The following PDE4D variants were observed in gnomAD, a reference collection of about 807,000 sequenced individuals.
The protein encoded by PDE4D is 3',5'-cyclic-AMP phosphodiesterase 4D.
Under a neutral mutation model 87.4 loss-of-function variants are expected in PDE4D, and 24 were observed. That is an observed-to-expected ratio of 0.27 (90% CI 0.20 to 0.39). The LOEUF (loss-of-function observed/expected upper bound fraction) is 0.39. PDE4D is among the 10% of genes least tolerant of loss of function. PDE4D has a pLI of 1.00. For synonymous variants in PDE4D, 384 were observed against 383.2 expected (o/e 1.00, Z -0.02); for missense variants, 714 against 1,041.0 (o/e 0.69, Z 4.32).
At chr5:60,174,857 T>C (rs1446532901) in intron 2 of PDE4D, among the ~76,000 whole-genome samples, 1 of 152,100 alleles carries the variant, frequency 6.6e-6, no homozygotes, top group Non-Finnish European at 1.5e-5. Flanking sequence ...ATGTTGTTGA[T>C]TTTTAGCAAT....
At chr5:60,151,090 T>C (rs1036213289) in intron 2 of PDE4D, among the ~76,000 whole-genome samples, 19 of 152,352 alleles carry the variant, frequency 1.2e-4, no homozygotes, top group Non-Finnish European at 1.9e-4. Context: ...GATTATTTGA[T>C]AAGTGTGCTG....
chr5:59,050,801 G>A (rs1413265679), intron 5 of PDE4D, among the ~76,000 whole-genome samples: 2 of 152,170 alleles, frequency 1.3e-5, no homozygotes, highest in African/African-American at 4.8e-5. Flanking sequence ...TATACATTGA[G>A]AATTACAGGG....
At chr5:59,746,317 A>G (rs1056724915) in intron 1 of PDE4D, among the ~76,000 whole-genome samples, 4 of 152,142 alleles carry the variant, frequency 2.6e-5, no homozygotes, top group Non-Finnish European at 5.9e-5. Context: ...TGAGAATAAT[A>G]TGACTTTACC....
At chr5:60,075,011 T>C (rs1381428248) in intron 2 of PDE4D, among the ~76,000 whole-genome samples, 1 of 152,118 alleles carries the variant, frequency 6.6e-6, no homozygotes, top group African/African-American at 2.4e-5. Context: ...ACCTTGAAGG[T>C]TGGTATTAAT....
chr5:60,105,554 T>A (rs140645956), intron 2 of PDE4D, among the ~76,000 whole-genome samples: 2 of 152,070 alleles, frequency 1.3e-5, no homozygotes, highest in East Asian at 1.9e-4. Flanking sequence ...CCAAGACGCA[T>A]AATTGTCAGA....
At chr5:59,782,878 A>C (rs1323204825) in intron 1 of PDE4D, among the ~76,000 whole-genome samples, 1 of 152,210 alleles carries the variant, frequency 6.6e-6, no homozygotes. Flanking sequence ...TATGTAATAG[A>C]ATATGATGAC....
At chr5:59,589,289 T>A (rs1289510265) in intron 1 of PDE4D, among the ~76,000 whole-genome samples, 1 of 152,228 alleles carries the variant, frequency 6.6e-6, no homozygotes, top group Admixed American at 6.5e-5. Flanking sequence ...ATTATTGTTA[T>A]ATGTATTATT....
At chr5:59,746,484 T>C (rs1454629591) in intron 1 of PDE4D, among the ~76,000 whole-genome samples, 1 of 152,162 alleles carries the variant, frequency 6.6e-6, no homozygotes, top group Non-Finnish European at 1.5e-5. Context: ...CAGAGGAGTT[T>C]GTGCTTGTCT....
chr5:60,105,037 G>C (rs1562098230), intron 2 of PDE4D, among the ~76,000 whole-genome samples: 3 of 152,248 alleles, frequency 2.0e-5, no homozygotes, highest in Admixed American at 1.3e-4. Context: ...GTTGAGAGAA[G>C]AAGGCTTCAG....
chr5:59,932,738 A>G (rs1365268023), intron 3 of PDE4D, among the ~76,000 whole-genome samples: 1 of 152,166 alleles, frequency 6.6e-6, no homozygotes, highest in Admixed American at 6.5e-5. Flanking sequence ...GTCGGTAGAT[A>G]CCAAATCGAT....
intron 2 of PDE4D, among the ~76,000 whole-genome samples, chr5:60,005,833 T>TC (rs1764419632): frequency 6.6e-6 from 1 of 150,908 alleles, no homozygotes; most frequent in African/African-American, 2.4e-5. Context: ...CCCAGTTTTT[T>TC]TAAAAGGGTG....
intron 1 of PDE4D, among the ~76,000 whole-genome samples, chr5:59,316,666 A>G (rs1186627050): frequency 3.3e-5 from 5 of 152,204 alleles, no homozygotes; most frequent in African/African-American, 1.2e-4. Flanking sequence ...TAACTTACCC[A>G]CAGACACAGC....
rs2153602257 is a variant in PDE4D at position 59,380,097 on chromosome 5, T to C, written c.456-164129A>G. Among the ~76,000 whole-genome samples, 2 of 152,298 alleles carry C rather than the reference T, an allele frequency of 1.3e-5. 1 individual carries two copies. The highest frequency in any genetic ancestry group is 4.1e-4 in the South Asian group (2 of 4,830). ...AAGCTTCTGCTGATTTTTAAGCATT[T>C]TTCTGAAATAAAACTTTCAAATTAG... On this transcript the variant is annotated intron_variant, in intron 1 of 14. Transcript: ENST00000340635.
chr5:59,897,479 T>C (rs1751778455), upstream of PDE4D, among the ~76,000 whole-genome samples: 1 of 152,048 alleles, frequency 6.6e-6, no homozygotes, highest in Admixed American at 6.6e-5. Context: ...TACTTTAAGT[T>C]ATGGGGTCCA....
chr5:60,272,723 A>T (rs1372636371), intron 1 of PDE4D, among the ~76,000 whole-genome samples: 4 of 152,226 alleles, frequency 2.6e-5, no homozygotes, highest in African/African-American at 9.6e-5. Flanking sequence ...AACCTAGAAA[A>T]AAAGAACTGC....
chr5:60,245,153 A>G (rs561176209), intron 1 of PDE4D, among the ~76,000 whole-genome samples: 1 of 152,124 alleles, frequency 6.6e-6, no homozygotes, highest in Admixed American at 6.6e-5. Flanking sequence ...AATTCTCAAA[A>G]GAAGACATAC....
chr5:60,154,439 G>T (rs1277242711), intron 2 of PDE4D, among the ~76,000 whole-genome samples: 1 of 152,046 alleles, frequency 6.6e-6, no homozygotes, highest in Non-Finnish European at 1.5e-5. Flanking sequence ...ACCACACCTG[G>T]CTAATTTTGT....
At chr5:59,739,291 AC>A (rs1427630406) in intron 1 of PDE4D, among the ~76,000 whole-genome samples, 1 of 152,014 alleles carries the variant, frequency 6.6e-6, no homozygotes, top group Non-Finnish European at 1.5e-5. Context: ...GTGGTGGTGC[AC>A]ACCTGTAGTC....
chr5:59,980,596 T>C (rs955679584), intron 3 of PDE4D, among the ~76,000 whole-genome samples: 14 of 152,318 alleles, frequency 9.2e-5, no homozygotes, highest in Non-Finnish European at 1.9e-4. Context: ...AACCTTCCCC[T>C]GGTACATGCT....
Sources: allele counts gnomAD v4.1 joint callset (sites outside exome capture counted in the v4.1 genomes callset), GRCh38; gene constraint gnomAD v4.1.1; transcripts MANE v1.5; gene names NCBI Gene and HGNC (gene_info 2026-07-23, HGNC 2026-07-21).